CFB: variants seen among roughly 807,000 people sequenced by gnomAD.
The protein encoded by CFB is B-factor, properdin.
Under a neutral mutation model 97.2 loss-of-function variants are expected in CFB, and 59 were observed. The ratio of observed to expected loss-of-function variants is 0.61; its 90% confidence interval spans 0.49 to 0.75. The LOEUF is 0.75. Ranked by LOEUF, CFB falls within the 30% of genes least tolerant of loss-of-function variation. The pLI is 0.00. For synonymous variants in CFB, 316 were observed against 351.7 expected (o/e 0.90, Z 1.14); for missense variants, 771 against 959.8 (o/e 0.80, Z 2.60).
intron 10 of CFB, 29 bp downstream of exon 10, chr6:31,949,586 C>T (rs201621618): frequency 1.7e-5 from 28 of 1,612,016 alleles, no homozygotes; most frequent in Non-Finnish European, 2.3e-5. Flanking sequence ...ATAAAGAACA[C>T]AACTCTCCTC....
rs765070385 is a variant in CFB at position 31,951,715 on chromosome 6, A to G, written c.2139+111A>G. ...ATTCGAGGTAGGCAGAGCCTGCCTC[A>G]CCTTAGGACCGCATGTCTTGCCTGC... On this transcript the variant is annotated intron_variant, in intron 17 of 17. Transcript: ENST00000425368. This position sits in a 1 kb window ranked among gnomAD's most constrained non-coding sequence, Gnocchi z 4.3. The G allele has an allele frequency of 2.2e-4, 340 of 1,556,750 alleles. No homozygotes were observed. The highest frequency in any genetic ancestry group is 2.8e-4 in the Non-Finnish European group (313 of 1,128,322).
Position 31,947,221 on chromosome 6 carries a change from C to T in CFB, c.484+29C>T. ...AGAAGCATCCCCTCCCCCTACATTG[C>T]TGTCTCCCTGACGGCGCCCAGCCCG... On this transcript the variant is annotated intron_variant, in intron 3 of 17. Transcript: ENST00000425368. This position sits in a 1 kb window ranked among gnomAD's most constrained non-coding sequence, Gnocchi z 5.3. 6.2e-7 allele frequency: 1 copy of T among 1,612,162 alleles called. No homozygotes were observed. The highest frequency in any genetic ancestry group is 8.5e-7 in the Non-Finnish European group (1 of 1,179,892).
rs200837114 is a variant in CFB at position 31,949,523 on chromosome 6, G to A, written c.1374G>A (p.Met458Ile). The change falls in exon 10 of 18, where the codon ATG (methionine) becomes ATA (isoleucine). Residue 458 changes from methionine (M) to isoleucine (I), a missense_variant. By Grantham distance (10) the Met-to-Ile change is conservative. Transcript: ENST00000425368. ...AACATGTGTTCAAAGTCAAGGATAT[G>A]GAAAACCTGGAAGATGTTTTCTACC... ...NEQHVFKVKD[M>I]ENLEDVFYQM... 51 of 1,613,242 alleles carry A rather than the reference G, an allele frequency of 3.2e-5. No homozygotes were observed. The highest frequency in any genetic ancestry group is 4.2e-5 in the Non-Finnish European group (50 of 1,180,044).
In CFB at chr6:31,951,077, A is replaced by C; in HGVS notation, c.1856-67A>C. On this transcript the variant is annotated intron_variant, in intron 14 of 17. Transcript: ENST00000425368. This position sits in a 1 kb window ranked among gnomAD's most constrained non-coding sequence, Gnocchi z 4.3. ...AGAAGGGCTTAGGGGACATCTACTG[A>C]GTGACAAAGGCAATGGGGAGATGAC... 4 of 1,586,064 alleles carry C rather than the reference A, an allele frequency of 2.5e-6. No individual in the cohort carries two copies. The highest frequency in any genetic ancestry group is 3.5e-6 in the Non-Finnish European group (4 of 1,156,534).
intron 8 of CFB, 130 bp downstream of exon 8, chr6:31,949,091 C>A: frequency 6.9e-7 from 1 of 1,458,244 alleles, no homozygotes; most frequent in Non-Finnish European, 9.5e-7. Context: ...CTGTTCATCT[C>A]TCCTGTGACC....
chr6:31,948,979 T>C lies in CFB; in HGVS notation c.1168+18T>C, dbSNP rs369950240. 29 of 1,612,738 alleles carry C rather than the reference T, an allele frequency of 1.8e-5. No homozygotes were observed. In the African/African-American group the frequency reaches 3.6e-4, roughly 20 times the overall value. ...GACTGATGGTCAGAAGGGACCTCTCTCCTGTCCCAGCCTCCCCACCTTCTC... is the reference window on the plus strand; with the variant it reads ...GACTGATGGTCAGAAGGGACCTCTCCCCTGTCCCAGCCTCCCCACCTTCTC... On this transcript the variant is annotated intron_variant, in intron 8 of 17. Transcript: ENST00000425368.
At chr6:31,949,678 A>G (rs1771635289) in intron 10 of CFB, 121 bp downstream of exon 10, 1 of 1,192,620 alleles carries the variant, frequency 8.4e-7, no homozygotes, top group Non-Finnish European at 1.2e-6. Flanking sequence ...CTCCTTCTCT[A>G]CCTCAGTGTC....
In CFB at chr6:31,947,288, C is replaced by G; in HGVS notation, c.485-60C>G. 3.7e-6 allele frequency: 6 copies of G among 1,611,824 alleles called. No homozygotes were observed. The highest frequency in any genetic ancestry group is 5.1e-6 in the Non-Finnish European group (6 of 1,179,666). ...CTCCGGACACTGTAACTCTTGCTCT[C>G]TACCTTGCTCACGGGGCCTCAGGCT... On this transcript the variant is annotated intron_variant, in intron 3 of 17. Transcript: ENST00000425368. This position sits in a 1 kb window ranked among gnomAD's most constrained non-coding sequence, Gnocchi z 5.3.
chr6:31,946,709 G>A lies in CFB; in HGVS notation c.298+103G>A. The A allele has an allele frequency of 8.7e-7, 1 of 1,146,214 alleles. No homozygotes were observed. The highest frequency in any genetic ancestry group is 1.3e-6 in the Non-Finnish European group (1 of 787,618). The allele number at this position is 1,146,214 out of a possible 1,614,324, so 71.0% of individuals were successfully genotyped here. A position where few individuals can be genotyped will look rare whatever the true frequency, so the allele number is the denominator to read the frequency against. On this transcript the variant is annotated intron_variant, in intron 2 of 17. Transcript: ENST00000425368. The surrounding 1 kb of genome is among the most constrained non-coding windows in gnomAD (Gnocchi z 6.4). ...ACTAGGCAGGGTGACAAGGTGGGCT[G>A]ACCGGGAGTAGGAGCAGTTTTAGGG... is the stretch of plus-strand genomic sequence containing the variant.
Position 31,947,406 on chromosome 6 carries a change from C to G in CFB, c.543C>G (p.Tyr181Ter). 1.2e-6 allele frequency: 2 copies of G among 1,613,080 alleles called. No homozygotes were observed. Among genetic ancestry groups the G allele is most frequent in the Non-Finnish European group, 1.7e-6 (2 of 1,180,038 alleles). ...PIGTRKVGSQYRLEDSVTYHC... is the reference protein window; with the variant it reads ...PIGTRKVGSQ ...GCACAAGGAAGGTGGGCAGCCAGTA[C>G]CGCCTTGAAGACAGCGTCACCTACC... Residue 181 changes from tyrosine (Y) to a stop codon, truncating the protein, a stop_gained, in exon 4 of 18, where the codon TAC becomes TAG. Coordinates refer to ENST00000425368, the MANE Select transcript of CFB (RefSeq NM_001710.6). LOFTEE classifies it high-confidence loss of function. This position sits in a 1 kb window ranked among gnomAD's most constrained non-coding sequence, Gnocchi z 5.3.
intron 12 of CFB, 102 bp downstream of exon 12, chr6:31,950,505 A>AT: frequency 6.3e-7 from 1 of 1,575,946 alleles, no homozygotes; most frequent in Non-Finnish European, 8.7e-7. Flanking sequence ...ATGCAGCCCC[A>AT]TTCCTTGCAC....
In CFB at chr6:31,947,647, G is replaced by A. The variant is rs1352100648; in HGVS notation, c.659-95G>A. ...CCCTGTACAACTATCTCACTTCTGA[G>A]CCTTTTATACCCTGGAAACCCATGA... is the stretch of plus-strand genomic sequence containing the variant. On this transcript the variant is annotated intron_variant, in intron 4 of 17. Transcript: ENST00000425368. This position sits in a 1 kb window ranked among gnomAD's most constrained non-coding sequence, Gnocchi z 5.3. The A allele has an allele frequency of 1.3e-6, 2 of 1,577,080 alleles. No individual in the cohort carries two copies. The highest frequency in any genetic ancestry group is 1.7e-6 in the Non-Finnish European group (2 of 1,147,912).
Position 31,946,574 on chromosome 6 carries a change from A to G in CFB, c.266A>G (p.Asp89Gly). Residue 89 changes from aspartate to glycine, a missense_variant, in exon 2 of 18, where the codon GAC becomes GGC. By Grantham distance (94) the Asp-to-Gly change is moderately conservative. Coordinates refer to ENST00000425368, the MANE Select transcript of CFB (RefSeq NM_001710.6). This position sits in a 1 kb window ranked among gnomAD's most constrained non-coding sequence, Gnocchi z 6.4. ...TGSWSTLKTQ[D>G]QKTVRKAECR... The stretch of plus-strand genomic sequence containing the variant: ...TCCTGGAGCACCCTGAAGACTCAAG[A>G]CCAAAAGACTGTCAGGAAGGCAGAG... 1 of 1,611,892 alleles carries G rather than the reference A, an allele frequency of 6.2e-7. No homozygotes were observed. Among genetic ancestry groups the G allele is most frequent in the Non-Finnish European group, 8.5e-7 (1 of 1,180,004 alleles).
Position 31,946,502 on chromosome 6 carries a change from G to A in CFB, c.194G>A (p.Gly65Asp). ...GCACTGGAGTACGTGTGTCCTTCTG[G>A]CTTCTACCCGTACCCTGTGCAGACA... ...GQALEYVCPS[G>D]FYPYPVQTRT... is the part of the protein sequence containing the mutation. The change falls in exon 2 of 18, where the codon GGC (glycine) becomes GAC (aspartate). Residue 65 changes from glycine (G) to aspartate (D), a missense_variant. Coordinates refer to ENST00000425368, the MANE Select transcript of CFB (RefSeq NM_001710.6). The surrounding 1 kb of genome is among the most constrained non-coding windows in gnomAD (Gnocchi z 6.4). 6.2e-7 allele frequency: 1 copy of A among 1,613,026 alleles called. No homozygotes were observed. Among genetic ancestry groups the A allele is most frequent in the Non-Finnish European group, 8.5e-7 (1 of 1,180,032 alleles).
chr6:31,948,101 G>C lies in CFB; in HGVS notation c.897+20G>C, dbSNP rs1442365504. 1 of 1,607,902 alleles carries C rather than the reference G, an allele frequency of 6.2e-7. No individual in the cohort carries two copies. The highest frequency in any genetic ancestry group is 8.5e-7 in the Non-Finnish European group (1 of 1,175,656). On this transcript the variant is annotated intron_variant, in intron 6 of 17. Coordinates refer to ENST00000425368, the MANE Select transcript of CFB (RefSeq NM_001710.6). ...GAGAAGGTGGAATCCTCCTATCCCT[G>C]AACTCGGGGGAATGGAATCTCGCTG... is the stretch of plus-strand genomic sequence containing the variant.
At chr6:31,948,641 T>C (rs1389092811) in intron 7 of CFB, 129 bp downstream of exon 7, 33 of 1,523,340 alleles carry the variant, frequency 2.2e-5, no homozygotes, top group Middle Eastern at 1.9e-4. Flanking sequence ...AGCAGGATCG[T>C]TGGGCAATGG....
rs969518661 is a variant in CFB, at chr6:31,946,658, G to A, written c.298+52G>A. 7.2e-6 allele frequency: 11 copies of A among 1,520,688 alleles called. No homozygotes were observed. Among genetic ancestry groups the A allele is most frequent in the South Asian group, 1.1e-5 (1 of 87,892 alleles). 94.2% of individuals were successfully genotyped at this position (1,520,688 alleles called of 1,614,324 possible). ...GGCCTAAGGCAGAAACAGGGCAGGC[G>A]GCAGCAAGGTCAGGACTAGGATGAG... On this transcript the variant is annotated intron_variant, in intron 2 of 17. Coordinates refer to ENST00000425368, the MANE Select transcript of CFB (RefSeq NM_001710.6). This position sits in a 1 kb window ranked among gnomAD's most constrained non-coding sequence, Gnocchi z 6.4.
intron 12 of CFB, 102 bp downstream of exon 12, chr6:31,950,505 A>G (rs1771691003): frequency 3.2e-6 from 5 of 1,575,828 alleles, no homozygotes; most frequent in African/African-American, 1.3e-5. Flanking sequence ...ATGCAGCCCC[A>G]TTCCTTGCAC....
In CFB at chr6:31,951,257, C is replaced by G. The variant is rs767597363; in HGVS notation, c.1956+13C>G. The G allele has an allele frequency of 1.2e-6, 2 of 1,613,082 alleles. No homozygotes were observed. The highest frequency in any genetic ancestry group is 3.3e-5 in the Admixed American group (2 of 60,026). ...GAATGGGGATAAGGTGAGAAACGGG[C>G]ATCCTAAGGAGGCACTCTAGGCCCC... On this transcript the variant is annotated intron_variant, in intron 15 of 17. Coordinates refer to ENST00000425368, the MANE Select transcript of CFB (RefSeq NM_001710.6). This position sits in a 1 kb window ranked among gnomAD's most constrained non-coding sequence, Gnocchi z 4.3.
Sources: allele counts gnomAD v4.1 joint callset, GRCh38; gene constraint gnomAD v4.1.1; non-coding constraint Gnocchi (gnomAD v3.1); transcripts MANE v1.5; gene names NCBI Gene and HGNC (gene_info 2026-07-23, HGNC 2026-07-21).